SEMA6D: variants seen among roughly 807,000 people sequenced by gnomAD.
SEMA6D encodes semaphorin-6D.
In SEMA6D, 35 loss-of-function variants were observed where a neutral mutation model predicts 106.6. The observed-to-expected ratio is 0.33, with a 90% CI of 0.25 to 0.44. The LOEUF (loss-of-function observed/expected upper bound fraction) is 0.44. SEMA6D is among the 20% of genes least tolerant of loss of function. The pLI is 1.00. For synonymous variants in SEMA6D, 499 were observed against 487.7 expected, an observed-to-expected ratio of 1.02 and a Z score of -0.31; for missense variants, 1,185 against 1,345.9, an observed-to-expected ratio of 0.88 and a Z score of 1.87.
chr15:47,477,227 T>G (rs281320), intron 3 of SEMA6D, among the ~76,000 whole-genome samples: 94,053 of 152,012 alleles, frequency 0.62, 32,118 homozygotes, highest in African/African-American at 0.9. Context: ...CTTGCTGGAG[T>G]CTGCATGTAA....
chr15:47,222,668 G>T (rs1373242399), intron 1 of SEMA6D, among the ~76,000 whole-genome samples: 1 of 152,142 alleles, frequency 6.6e-6, no homozygotes, highest in African/African-American at 2.4e-5. Flanking sequence ...CTGGAAATAT[G>T]ATTTAGTCCT....
intron 1 of SEMA6D, among the ~76,000 whole-genome samples, chr15:47,385,344 C>G (rs1364827651): frequency 6.6e-6 from 1 of 152,214 alleles, no homozygotes; most frequent in East Asian, 1.9e-4. Context: ...TCATAGTAGA[C>G]ATTATGCTCT....
chr15:47,331,716 C>T (rs1484569851), intron 1 of SEMA6D, among the ~76,000 whole-genome samples: 1 of 152,044 alleles, frequency 6.6e-6, no homozygotes, highest in Non-Finnish European at 1.5e-5. Flanking sequence ...TCAAAAATTT[C>T]TTTAATGCAA....
chr15:47,437,022 AAGAG>A (rs1206435063), intron 2 of SEMA6D, among the ~76,000 whole-genome samples: 1 of 118,794 alleles, frequency 8.4e-6, no homozygotes, highest in East Asian at 3.1e-4. Flanking sequence ...AAAAGAAAGA[AAGAG>A]AGAAGGGAGG....
intron 17 of SEMA6D, 52 bp downstream of exon 17, chr15:47,767,145 C>A: frequency 3.3e-6 from 4 of 1,207,588 alleles, no homozygotes; most frequent in East Asian, 2.4e-5. Flanking sequence ...TCCTTCAGTT[C>A]AGCATTTTCA....
At chr15:47,645,904 C>T (rs2144832961) in intron 4 of SEMA6D, among the ~76,000 whole-genome samples, 1 of 152,264 alleles carries the variant, frequency 6.6e-6, no homozygotes, top group South Asian at 2.1e-4. Context: ...AGGTGAACAG[C>T]CAGATGAAAA....
chr15:47,614,787 ACT>A (rs2076976185), intron 4 of SEMA6D, among the ~76,000 whole-genome samples: 1 of 152,070 alleles, frequency 6.6e-6, no homozygotes, highest in Non-Finnish European at 1.5e-5. Flanking sequence ...TTGAATTTAG[ACT>A]CTGCCACTTA....
chr15:47,545,230 A>G (rs1267122704), intron 3 of SEMA6D, among the ~76,000 whole-genome samples: 1 of 152,130 alleles, frequency 6.6e-6, no homozygotes, highest in Non-Finnish European at 1.5e-5. Flanking sequence ...GAAAATTAAC[A>G]CTTTGGGGGA....
At chr15:47,693,722 G>A (rs2078638858) in intron 4 of SEMA6D, among the ~76,000 whole-genome samples, 1 of 152,064 alleles carries the variant, frequency 6.6e-6, no homozygotes. Flanking sequence ...ATTGCTTGAG[G>A]TCAGGAGTTA....
At chr15:47,676,707 G>A (rs148921878) in intron 4 of SEMA6D, among the ~76,000 whole-genome samples, 84 of 152,274 alleles carry the variant, frequency 5.5e-4, no homozygotes, top group African/African-American at 1.9e-3. Context: ...CTAGGGTACT[G>A]TTCAAGTTAC....
intron 3 of SEMA6D, among the ~76,000 whole-genome samples, chr15:47,575,736 GAGA>G (rs2099106185): frequency 6.6e-6 from 1 of 151,910 alleles, no homozygotes; most frequent in Non-Finnish European, 1.5e-5. Flanking sequence ...AAAAAAAAGA[GAGA>G]AGAAGTTGGT....
intron 1 of SEMA6D, among the ~76,000 whole-genome samples, chr15:47,360,267 T>C (rs1171095917): frequency 1.3e-5 from 2 of 152,218 alleles, no homozygotes; most frequent in Non-Finnish European, 2.9e-5. Flanking sequence ...AGAGTAAGTT[T>C]GTATCATTCT....
intron 1 of SEMA6D, among the ~76,000 whole-genome samples, chr15:47,392,531 A>G (rs1169912539): frequency 1.3e-5 from 2 of 151,736 alleles, no homozygotes; most frequent in Non-Finnish European, 2.9e-5. Flanking sequence ...AAAGATTGCC[A>G]GAAGCTGGGG....
chr15:47,479,777 G>A (rs2043099973), intron 3 of SEMA6D, among the ~76,000 whole-genome samples: 1 of 151,558 alleles, frequency 6.6e-6, no homozygotes, highest in Non-Finnish European at 1.5e-5. Flanking sequence ...CCAAATGAAA[G>A]CACACATCTA....
intron 1 of SEMA6D, among the ~76,000 whole-genome samples, chr15:47,198,750 A>G (rs1028416238): frequency 6.6e-6 from 1 of 152,212 alleles, no homozygotes; most frequent in African/African-American, 2.4e-5. Context: ...TTCTAAACCC[A>G]AAGCCCAAAA....
intron 3 of SEMA6D, among the ~76,000 whole-genome samples, chr15:47,552,914 A>G (rs2045799961): frequency 8.5e-6 from 1 of 117,838 alleles, no homozygotes; most frequent in African/African-American, 3.2e-5. Context: ...ATAAATATAT[A>G]TATATTTGAG....
chr15:47,621,056 G>T (rs1192459702), intron 4 of SEMA6D, among the ~76,000 whole-genome samples: 2 of 152,112 alleles, frequency 1.3e-5, no homozygotes, highest in African/African-American at 4.8e-5. Flanking sequence ...ATAGAGATGG[G>T]CTCTTACATC....
At chr15:47,303,774 C>T (rs2036114890) in intron 1 of SEMA6D, among the ~76,000 whole-genome samples, 1 of 152,150 alleles carries the variant, frequency 6.6e-6, no homozygotes. Context: ...TAAGTTTATA[C>T]TCAGTGTTGA....
chr15:47,506,099 A>T (rs547611866), intron 3 of SEMA6D, among the ~76,000 whole-genome samples: 1 of 152,194 alleles, frequency 6.6e-6, no homozygotes, highest in East Asian at 1.9e-4. Flanking sequence ...AATGTATCTC[A>T]CCCCTCTTCT....
Sources: gnomAD v4.1 joint callset for allele counts (sites outside exome capture counted in the v4.1 genomes callset) on GRCh38, gnomAD v4.1.1 for gene constraint, MANE v1.5 for transcripts, NCBI Gene and HGNC (gene_info 2026-07-23, HGNC 2026-07-21) for gene names.